AVL9: variants seen among roughly 807,000 people sequenced by gnomAD.
AVL9 encodes the protein AVL9 cell migration associated.
In AVL9, 49 loss-of-function variants were observed where a neutral mutation model predicts 79.2. The ratio of observed to expected loss-of-function variants is 0.62; its 90% confidence interval spans 0.49 to 0.79. AVL9 has a LOEUF of 0.79. Among genes scored for constraint, AVL9 ranks in the 30% least tolerant of loss-of-function variants. The pLI is 0.00. For synonymous variants in AVL9, 299 were observed against 280.6 expected (o/e 1.07, Z -0.65); for missense variants, 682 against 776.8 (o/e 0.88, Z 1.45).
At chr7:32,579,575 T>A (rs1036370583) in intron 13 of AVL9, among the ~76,000 whole-genome samples, 73 of 600 alleles carry the variant, frequency 0.12, 16 homozygotes, top group South Asian at 0.21. Flanking sequence ...TATATTATAT[T>A]ATATATTATA....
chr7:32,515,919 T>C (rs1487858067), intron 1 of AVL9, among the ~76,000 whole-genome samples: 1 of 152,214 alleles, frequency 6.6e-6, no homozygotes, highest in Non-Finnish European at 1.5e-5. Context: ...TTGCTTCCTG[T>C]CTTTAAAAAA....
At chr7:32,520,043 C>T (rs1164773705) in intron 1 of AVL9, among the ~76,000 whole-genome samples, 1 of 152,216 alleles carries the variant, frequency 6.6e-6, no homozygotes, top group Non-Finnish European at 1.5e-5. Flanking sequence ...TCACCTCCCA[C>T]CAGGTCCCTC....
At position 32,579,458 on chromosome 7, in the gene AVL9, T is replaced by TATTA. The variant is rs1554348028; in HGVS notation, c.1689-761_1689-760insATTA. Among the ~76,000 whole-genome samples, 3 of 6,128 alleles carry TATTA rather than the reference T, an allele frequency of 4.9e-4. 1 individual carries two copies. The highest frequency in any genetic ancestry group is 3.2e-3 in the African/African-American group (3 of 938). The allele number at this position is 6,128 out of a possible 152,430, so 4.0% of individuals were successfully genotyped here. ...TATATTATATATAATATATTATATATTATATATAATATATTATATTATATA... is the reference window on the plus strand; with the variant it reads ...TATATTATATATAATATATTATATATATTATATATATAATATATTATATTATATA... On this transcript the variant is annotated intron_variant, in intron 13 of 15. Transcript: ENST00000318709.
At chr7:32,543,953 G>C (rs57991351) in intron 2 of AVL9, among the ~76,000 whole-genome samples, 1 of 147,490 alleles carries the variant, frequency 6.8e-6, no homozygotes, top group African/African-American at 2.5e-5. Context: ...ATGTTGCCCT[G>C]TTGCCCAGGC....
chr7:32,583,062 C>G (rs1791586800), intron 15 of AVL9, among the ~76,000 whole-genome samples: 1 of 152,158 alleles, frequency 6.6e-6, no homozygotes, highest in Non-Finnish European at 1.5e-5. Context: ...CTTTGTGTAA[C>G]ATAACTTCAT....
chr7:32,543,647 C>T (rs1385526810), intron 2 of AVL9, among the ~76,000 whole-genome samples: 2 of 152,214 alleles, frequency 1.3e-5, no homozygotes, highest in East Asian at 3.8e-4. Flanking sequence ...CAGTGCCCAC[C>T]TTAGAAACAG....
At chr7:32,545,605 A>G (rs895442325) in intron 3 of AVL9, among the ~76,000 whole-genome samples, 1 of 151,920 alleles carries the variant, frequency 6.6e-6, no homozygotes, top group African/African-American at 2.4e-5. Flanking sequence ...CCTGAGCTCA[A>G]GTGATCTGCC....
chr7:32,555,353 A>T (rs1790009059), intron 8 of AVL9, among the ~76,000 whole-genome samples: 1 of 152,150 alleles, frequency 6.6e-6, no homozygotes, highest in Non-Finnish European at 1.5e-5. Flanking sequence ...ATAACAATTA[A>T]AAAAGCAATA....
chr7:32,500,054 C>T (rs942009437), intron 1 of AVL9, among the ~76,000 whole-genome samples: 8 of 152,100 alleles, frequency 5.3e-5, no homozygotes, highest in East Asian at 1.9e-4. Context: ...CTGCAATAAA[C>T]GTGTCTGTGT....
chr7:32,559,134 G>A lies in AVL9; in HGVS notation c.885G>A (p.Glu295=). The A allele has an allele frequency of 5.6e-6, 9 of 1,614,078 alleles. No homozygotes were observed. Among genetic ancestry groups the A allele is most frequent in the Non-Finnish European group, 7.6e-6 (9 of 1,179,984 alleles). Residue 295 remains glutamate, a synonymous_variant, in exon 10 of 16, where the codon GAG becomes GAA. Transcript: ENST00000318709. ...AAGATGCTGCCATGAAGACTGAGGA[G>A]CCTTTGTTCCAAGTGGAAGACAGCA... ...HGEDAAMKTE[E]PLFQVEDSSK... is the part of the protein sequence containing the mutation.
At chr7:32,514,821 A>T (rs187928131) in intron 1 of AVL9, among the ~76,000 whole-genome samples, 2 of 151,940 alleles carry the variant, frequency 1.3e-5, no homozygotes, top group African/African-American at 4.8e-5. Flanking sequence ...CCCCACCCCT[A>T]TCTCCCTTCA....
At chr7:32,522,512 T>G (rs1355995693) in intron 1 of AVL9, among the ~76,000 whole-genome samples, 6 of 152,208 alleles carry the variant, frequency 3.9e-5, no homozygotes, top group Non-Finnish European at 8.8e-5. Context: ...ATGGCTGTAT[T>G]TACCCAATAC....
At chr7:32,574,910 C>G (rs1357368883) in intron 12 of AVL9, among the ~76,000 whole-genome samples, 2 of 148,308 alleles carry the variant, frequency 1.3e-5, no homozygotes, top group African/African-American at 4.9e-5. Flanking sequence ...ACAAAAGGTA[C>G]TTTGTATTTC....
chr7:32,504,792 A>G (rs1271282303), intron 1 of AVL9, among the ~76,000 whole-genome samples: 1 of 152,228 alleles, frequency 6.6e-6, no homozygotes, highest in Non-Finnish European at 1.5e-5. Flanking sequence ...ATGGTGAAAA[A>G]TCTGTGCATT....
In AVL9 at chr7:32,583,696, A is replaced by T. The variant is rs550266012; in HGVS notation, c.1832-96A>T. 6 of 793,458 alleles carry T rather than the reference A, an allele frequency of 7.6e-6. No homozygotes were observed. The Admixed American group carries it at 1.7e-4, about 23-fold the overall frequency. The allele number at this position is 793,458 out of a possible 1,614,324, so 49.2% of individuals were successfully genotyped here. The stretch of plus-strand genomic sequence containing the variant: ...GCTGTCTCAAAAAACATTTTTTTAA[A>T]TTTTTAATTAAAAATGTATTAATTA... On this transcript the variant is annotated intron_variant, in intron 15 of 15. Coordinates refer to ENST00000318709, the MANE Select transcript of AVL9 (RefSeq NM_015060.3).
intron 1 of AVL9, chr7:32,532,139 A>C (rs1056470062): frequency 6.6e-6 from 1 of 152,200 alleles, no homozygotes; most frequent in Non-Finnish European, 1.5e-5. Flanking sequence ...TGGGGCAGGT[A>C]GGTAAGCTTC....
intron 2 of AVL9, among the ~76,000 whole-genome samples, chr7:32,544,068 T>C (rs773545531): frequency 6.6e-6 from 1 of 152,092 alleles, no homozygotes; most frequent in Non-Finnish European, 1.5e-5. Flanking sequence ...TCTGCCACCA[T>C]GCCCAGCAAA....
rs67401065 is a variant in AVL9, at chr7:32,586,470, C to CA, written c.*2563_*2564insA. 0.21 allele frequency: 10,727 copies of CA among 51,182 alleles called. 692 individuals carry two copies. Among genetic ancestry groups the CA allele is most frequent in the African/African-American group, 0.36 (5,698 of 15,676 alleles). The allele number at this position is 51,182 out of a possible 1,614,324, so 3.2% of individuals were successfully genotyped here. Reference sequence around the variant, plus strand: ...CACCCCTGGTCCTGTGACCCCCCCCCCCCACACACACACATACTTCAGGCT... The same window carrying CA: ...CACCCCTGGTCCTGTGACCCCCCCCCACCCACACACACACATACTTCAGGCT... On this transcript the variant is annotated 3_prime_UTR_variant, in exon 16 of 16. Transcript: ENST00000318709.
intron 1 of AVL9, among the ~76,000 whole-genome samples, chr7:32,539,802 G>T (rs946195579): frequency 6.6e-6 from 1 of 152,074 alleles, no homozygotes; most frequent in Non-Finnish European, 1.5e-5. Context: ...GGAGAGACTC[G>T]ATTTTCTTGC....
Sources: allele counts gnomAD v4.1 joint callset (sites outside exome capture counted in the v4.1 genomes callset), GRCh38; gene constraint gnomAD v4.1.1; transcripts MANE v1.5; gene names NCBI Gene and HGNC (gene_info 2026-07-23, HGNC 2026-07-21).